Variants in LINGO2 observed in about 807,000 individuals in gnomAD.
LINGO2 encodes leucine rich repeat and Ig domain containing 2.
A neutral mutation model predicts 30.6 loss-of-function variants in LINGO2; 14 were observed. The ratio of observed to expected loss-of-function variants is 0.46; its 90% CI spans 0.30 to 0.72. The LOEUF is 0.72. Ranked by LOEUF, LINGO2 falls within the 30% of genes least tolerant of loss-of-function variation. The pLI, the probability that LINGO2 is intolerant of heterozygous loss-of-function variation, is 0.07. For synonymous variants in LINGO2, 317 were observed against 288.5 expected (o/e 1.10, Z -1.00); for missense variants, 729 against 751.7 (o/e 0.97, Z 0.35).
intron 4 of LINGO2, among the ~76,000 whole-genome samples, chr9:28,020,008 G>A (rs900462541): frequency 6.6e-6 from 1 of 152,094 alleles, no homozygotes; most frequent in African/African-American, 2.4e-5. Flanking sequence ...ACATTCCAGA[G>A]AGAAGCCCGG....
At chr9:28,193,689 A>T (rs1026684454) in intron 4 of LINGO2, among the ~76,000 whole-genome samples, 1 of 152,236 alleles carries the variant, frequency 6.6e-6, no homozygotes, top group Non-Finnish European at 1.5e-5. Flanking sequence ...GGCTTACAAC[A>T]GCAACAGTGG....
intron 5 of LINGO2, among the ~76,000 whole-genome samples, chr9:28,010,305 A>T (rs1822490515): frequency 6.6e-6 from 1 of 152,138 alleles, no homozygotes; most frequent in African/African-American, 2.4e-5. Flanking sequence ...ATTTGTATGG[A>T]GATAGTTTGA....
At chr9:29,187,082 A>C in the LINGO2 span, among the ~76,000 whole-genome samples, 1 of 152,196 alleles carries the variant, frequency 6.6e-6, no homozygotes, top group East Asian at 1.9e-4. Context: ...AAAGCTAGCA[A>C]AATAGTAGAG....
chr9:28,735,369 T>G, the LINGO2 span, among the ~76,000 whole-genome samples: 1 of 152,308 alleles, frequency 6.6e-6, no homozygotes, highest in Non-Finnish European at 1.5e-5. Flanking sequence ...TTTTATACCC[T>G]TAATTATCAT....
intron 2 of LINGO2, among the ~76,000 whole-genome samples, chr9:28,469,884 TGAA>T (rs2135163558): frequency 6.6e-6 from 1 of 152,250 alleles, no homozygotes; most frequent in South Asian, 2.1e-4. Flanking sequence ...TATGAAAATA[TGAA>T]GTTCTCCAGT....
chr9:28,380,477 A>G (rs1331536229), intron 2 of LINGO2, among the ~76,000 whole-genome samples: 2 of 151,888 alleles, frequency 1.3e-5, no homozygotes, highest in African/African-American at 4.8e-5. Flanking sequence ...ATGGAAATAG[A>G]TGGAGAAGTA....
At chr9:29,204,721 G>T in the LINGO2 span, among the ~76,000 whole-genome samples, 1 of 152,038 alleles carries the variant, frequency 6.6e-6, no homozygotes, top group Non-Finnish European at 1.5e-5. Flanking sequence ...TTGGACATTT[G>T]GAGTTTTTTC....
At chr9:28,146,540 A>C (rs900767004) in intron 4 of LINGO2, among the ~76,000 whole-genome samples, 1 of 148,300 alleles carries the variant, frequency 6.7e-6, no homozygotes, top group African/African-American at 2.4e-5. Context: ...AAACTACCAA[A>C]ATTTACTTAA....
the LINGO2 span, among the ~76,000 whole-genome samples, chr9:28,974,288 C>T: frequency 3.3e-5 from 5 of 152,172 alleles, no homozygotes; most frequent in Non-Finnish European, 5.9e-5. Flanking sequence ...CACCTGTAAT[C>T]CCAGCTCCTC....
At chr9:28,558,322 G>A (rs1330435988) in intron 1 of LINGO2, among the ~76,000 whole-genome samples, 2 of 151,758 alleles carry the variant, frequency 1.3e-5, no homozygotes, top group South Asian at 2.1e-4. Flanking sequence ...TTTCCTGCTC[G>A]GATGAAACTT....
chr9:29,142,475 T>G, the LINGO2 span, among the ~76,000 whole-genome samples: 1 of 151,612 alleles, frequency 6.6e-6, no homozygotes, highest in Non-Finnish European at 1.5e-5. Flanking sequence ...AATAAACAAC[T>G]TAACTTTATA....
intron 4 of LINGO2, among the ~76,000 whole-genome samples, chr9:28,240,835 A>G (rs939965242): frequency 2.0e-5 from 3 of 152,184 alleles, no homozygotes; most frequent in Non-Finnish European, 4.4e-5. Flanking sequence ...TAAAAACTTA[A>G]GTTTTAAGTT....
chr9:28,485,498 A>G (rs1437418467), intron 1 of LINGO2, among the ~76,000 whole-genome samples: 1 of 152,140 alleles, frequency 6.6e-6, no homozygotes, highest in East Asian at 1.9e-4. Flanking sequence ...GTAGAATCAG[A>G]GGAGAGAAAG....
At position 28,193,499 on chromosome 9, in the gene LINGO2, G is replaced by A. The variant is rs189678909; in HGVS notation, c.-87+101709C>T. Among the ~76,000 whole-genome samples the A allele has an allele frequency of 2.1e-3, 318 of 152,074 alleles. 1 individual carries two copies. Among genetic ancestry groups the A allele is most frequent in the African/African-American group, 6.1e-3 (252 of 41,486 alleles). Reference sequence around the variant, plus strand: ...AGGAAGATTATCCTAACTACATCAAGACTCATAAAGAGCTAATAGATACAT... The same window carrying A: ...AGGAAGATTATCCTAACTACATCAAAACTCATAAAGAGCTAATAGATACAT... On this transcript the variant is annotated intron_variant, in intron 4 of 5. Coordinates refer to ENST00000379992, the Ensembl canonical transcript of LINGO2.
the LINGO2 span, among the ~76,000 whole-genome samples, chr9:28,928,336 T>A: frequency 6.6e-6 from 1 of 152,226 alleles, no homozygotes; most frequent in Non-Finnish European, 1.5e-5. Flanking sequence ...TATCTAAGTA[T>A]GTGAACTTTA....
intron 1 of LINGO2, among the ~76,000 whole-genome samples, chr9:28,626,757 T>A (rs1259397368): frequency 1.3e-5 from 2 of 152,030 alleles, no homozygotes; most frequent in African/African-American, 4.8e-5. Context: ...ACTGATTGTT[T>A]TTTTCTACAT....
intron 2 of LINGO2, among the ~76,000 whole-genome samples, chr9:28,411,521 C>A (rs990216738): frequency 6.6e-6 from 1 of 152,076 alleles, no homozygotes; most frequent in Non-Finnish European, 1.5e-5. Flanking sequence ...CCCCTTCCTG[C>A]CAACCACCAT....
the LINGO2 span, among the ~76,000 whole-genome samples, chr9:28,866,584 A>G: frequency 6.6e-6 from 1 of 150,684 alleles, no homozygotes; most frequent in Non-Finnish European, 1.5e-5. Flanking sequence ...CAGGGCAGAG[A>G]AGAAGGGTGG....
intron 2 of LINGO2, among the ~76,000 whole-genome samples, chr9:28,437,489 CAT>C (rs1455073897): frequency 2.0e-5 from 3 of 151,742 alleles, no homozygotes; most frequent in South Asian, 2.1e-4. Flanking sequence ...TCCAAAATCA[CAT>C]GAGCCAATTT....
Sources: gnomAD v4.1 joint callset for allele counts (sites outside exome capture counted in the v4.1 genomes callset) on GRCh38, gnomAD v4.1.1 for gene constraint, MANE v1.5 for transcripts, NCBI Gene and HGNC (gene_info 2026-07-23, HGNC 2026-07-21) for gene names.